The following ARL14EPL variants were observed in gnomAD, a reference collection of about 807,000 sequenced individuals.
ARL14EPL encodes ARF like GTPase 14 effector protein like.
In ARL14EPL, 17 loss-of-function variants were observed where a neutral mutation model predicts 15.9. The ratio of observed to expected loss-of-function variants is 1.07; its 90% CI spans 0.73 to 1.60. The LOEUF is 1.60. Among genes scored for constraint, ARL14EPL ranks in the 40% most tolerant of loss-of-function variants. The pLI is 0.00. For missense variants in ARL14EPL, 214 were observed against 185.9 expected, an observed-to-expected ratio of 1.15 and a Z score of -0.88; for synonymous variants, 78 against 63.8, an observed-to-expected ratio of 1.22 and a Z score of -1.06.
chr5:116,058,579 G>A, intron 3 of ARL14EPL, 146 bp from the exon 4 acceptor site: 2 of 748,146 alleles, frequency 2.7e-6, no homozygotes, highest in South Asian at 3.5e-5. Flanking sequence ...TGGAGTTCTG[G>A]TCCAGAGTAC....
At chr5:116,053,876 A>T in intron 2 of ARL14EPL, 138 bp from the exon 3 acceptor site, 2 of 651,850 alleles carry the variant, frequency 3.1e-6, no homozygotes, top group Non-Finnish European at 2.3e-6. Context: ...TAATTAGATT[A>T]AATCGTTTAT....
chr5:116,049,004 C>A (rs968079185), intron 1 of ARL14EPL, among the ~76,000 whole-genome samples: 7 of 152,104 alleles, frequency 4.6e-5, no homozygotes, highest in African/African-American at 1.7e-4. Flanking sequence ...GTAGAAAGTG[C>A]ATTTTTGGCA....
chr5:116,041,272 C>A lies in ARL14EPL; in HGVS notation c.-10+8767C>A, dbSNP rs1749152593. 2.0e-5 allele frequency among the ~76,000 whole-genome samples: 3 copies of A among 152,072 alleles called. No individual in the cohort carries two copies. The South Asian group carries it at 6.2e-4, about 32-fold the overall frequency. On this transcript the variant is annotated intron_variant, in intron 1 of 3. Coordinates refer to ENST00000686077, the MANE Select transcript of ARL14EPL (RefSeq NM_001195581.2). ...AACGTATAATGGCATATATCCACTGCTGAAGTATCATATAGAATACTTTCA... is the reference window on the plus strand; with the variant it reads ...AACGTATAATGGCATATATCCACTGATGAAGTATCATATAGAATACTTTCA...
At chr5:116,050,815 T>TCTCTCTC (rs1561579519) in intron 1 of ARL14EPL, among the ~76,000 whole-genome samples, 7 of 125,910 alleles carry the variant, frequency 5.6e-5, no homozygotes, top group South Asian at 2.6e-4. Flanking sequence ...TCTCTCTCTC[T>TCTCTCTC]TACACACACA....
chr5:116,047,024 A>G (rs192896431), intron 1 of ARL14EPL, among the ~76,000 whole-genome samples: 13 of 152,348 alleles, frequency 8.5e-5, no homozygotes, highest in Middle Eastern at 3.4e-3. Context: ...CCTGCAAGCC[A>G]GAAAGAGCCT....
chr5:116,039,238 A>T (rs2560679), intron 1 of ARL14EPL, among the ~76,000 whole-genome samples: 53,975 of 151,734 alleles, frequency 0.36, 9,700 homozygotes, highest in East Asian at 0.43. Flanking sequence ...AAATTCATCC[A>T]CTCCTGACCC....
chr5:116,054,056 C>G lies in ARL14EPL; in HGVS notation c.139C>G (p.Pro47Ala). The G allele has an allele frequency of 6.5e-7, 1 of 1,535,166 alleles. No homozygotes were observed. Among genetic ancestry groups the G allele is most frequent in the Non-Finnish European group, 8.7e-7 (1 of 1,146,406 alleles). Residue 47 changes from proline to alanine, a missense_variant, in exon 3 of 4, where the codon CCT becomes GCT. Physicochemically the swap from Pro to Ala is conservative, Grantham distance 27 (BLOSUM62 -1). Coordinates refer to ENST00000686077, the MANE Select transcript of ARL14EPL (RefSeq NM_001195581.2). ...GTTAAAATGCTTGGCATTTCGAAAC[C>G]CTGGACCACAGGTAGCAGACTTTAA... ...RQLKCLAFRN[P>A]GPQVADFNPE... is the part of the protein sequence containing the mutation.
chr5:116,053,316 C>A (rs1749435564), intron 2 of ARL14EPL, among the ~76,000 whole-genome samples: 2 of 144,930 alleles, frequency 1.4e-5, no homozygotes, highest in Admixed American at 1.4e-4. Context: ...CATGCCATAG[C>A]ACTGCAGCCT....
intron 1 of ARL14EPL, among the ~76,000 whole-genome samples, chr5:116,034,329 C>T (rs1457595671): frequency 6.6e-6 from 1 of 152,082 alleles, no homozygotes; most frequent in East Asian, 1.9e-4. Context: ...CAGAGAATAC[C>T]TATGGTTTCT....
intron 1 of ARL14EPL, among the ~76,000 whole-genome samples, chr5:116,039,151 T>C (rs1749103008): frequency 6.6e-6 from 1 of 152,150 alleles, no homozygotes. Context: ...AGTGTAAGCC[T>C]GGGGCAGAAG....
intron 1 of ARL14EPL, among the ~76,000 whole-genome samples, chr5:116,038,922 A>ACTTT (rs1267702279): frequency 1.7e-5 from 2 of 117,960 alleles, no homozygotes; most frequent in Non-Finnish European, 3.7e-5. Context: ...AACCTGTAAC[A>ACTTT]CTTTGTAATT....
At chr5:116,057,746 C>T (rs564077555) in intron 3 of ARL14EPL, among the ~76,000 whole-genome samples, 1 of 152,136 alleles carries the variant, frequency 6.6e-6, no homozygotes, top group Non-Finnish European at 1.5e-5. Flanking sequence ...GGAAAAGGAA[C>T]AGGATGGAAC....
At chr5:116,057,901 C>G (rs1749558435) in intron 3 of ARL14EPL, among the ~76,000 whole-genome samples, 1 of 152,158 alleles carries the variant, frequency 6.6e-6, no homozygotes, top group African/African-American at 2.4e-5. Context: ...ATCAGTTATA[C>G]AGAGGTATTT....
chr5:116,040,087 A>G (rs562677721), intron 1 of ARL14EPL, among the ~76,000 whole-genome samples: 1 of 152,270 alleles, frequency 6.6e-6, no homozygotes, highest in African/African-American at 2.4e-5. Flanking sequence ...GCAACTCGAA[A>G]CCTAGGAATT....
At position 116,054,057 on chromosome 5, in the gene ARL14EPL, C is replaced by G. The variant is rs981158146; in HGVS notation, c.140C>G (p.Pro47Arg). 2.0e-6 allele frequency: 3 copies of G among 1,535,378 alleles called. No homozygotes were observed. The African/African-American group carries it at 4.1e-5, about 21-fold the overall frequency. Residue 47 changes from proline (P) to arginine (R), a missense_variant, in exon 3 of 4, where the codon CCT becomes CGT. Physicochemically the swap from Pro to Arg is moderately radical, Grantham distance 103. Coordinates refer to ENST00000686077, the MANE Select transcript of ARL14EPL (RefSeq NM_001195581.2). ...RQLKCLAFRN[P>R]GPQVADFNPE... ...TTAAAATGCTTGGCATTTCGAAACCCTGGACCACAGGTAGCAGACTTTAAT... is the reference window on the plus strand; with the variant it reads ...TTAAAATGCTTGGCATTTCGAAACCGTGGACCACAGGTAGCAGACTTTAAT...
At chr5:116,035,288 G>T (rs962315479) in intron 1 of ARL14EPL, among the ~76,000 whole-genome samples, 1 of 152,198 alleles carries the variant, frequency 6.6e-6, no homozygotes, top group Non-Finnish European at 1.5e-5. Flanking sequence ...GCAGCCACTT[G>T]GTCCGCGAGG....
At chr5:116,036,365 A>G (rs1749050159) in intron 1 of ARL14EPL, among the ~76,000 whole-genome samples, 2 of 152,010 alleles carry the variant, frequency 1.3e-5, no homozygotes, top group South Asian at 4.2e-4. Context: ...TCAAGTGGGA[A>G]GCTCCTGGAA....
At chr5:116,042,122 T>A (rs2112670193) in intron 1 of ARL14EPL, among the ~76,000 whole-genome samples, 1 of 152,296 alleles carries the variant, frequency 6.6e-6, no homozygotes, top group East Asian at 1.9e-4. Flanking sequence ...TGAGCCACAA[T>A]GTCTGACCAG....
rs141949237 is a variant in ARL14EPL at position 116,056,719 on chromosome 5, G to T, written c.237-2006G>T. On this transcript the variant is annotated intron_variant, in intron 3 of 3. Coordinates refer to ENST00000686077, the MANE Select transcript of ARL14EPL (RefSeq NM_001195581.2). Reference sequence around the variant, plus strand: ...TTGATGTTTTAGACATGAAGTTCTTGCCCATGCCTATATCCTGAATGGTAT... The same window carrying T: ...TTGATGTTTTAGACATGAAGTTCTTTCCCATGCCTATATCCTGAATGGTAT... Among the ~76,000 whole-genome samples the T allele has an allele frequency of 7.5e-3, 1,136 of 152,252 alleles. 12 individuals carry two copies. The highest frequency in any genetic ancestry group is 0.026 in the African/African-American group (1,099 of 41,540).
Sources: gnomAD v4.1 joint callset for allele counts (sites outside exome capture counted in the v4.1 genomes callset) on GRCh38, gnomAD v4.1.1 for gene constraint, MANE v1.5 for transcripts, NCBI Gene and HGNC (gene_info 2026-07-23, HGNC 2026-07-21) for gene names.